TAF4B: variants seen among roughly 807,000 people sequenced by gnomAD.
The protein encoded by TAF4B is TATA-box binding protein associated factor 4b, also known as transcription initiation factor TFIID subunit 4B.
A neutral mutation model predicts 86.4 loss-of-function variants in TAF4B; 38 were observed. The observed-to-expected ratio is 0.44, with a 90% CI of 0.34 to 0.58. The LOEUF is 0.58. TAF4B is among the 20% of genes least tolerant of loss of function. TAF4B has a pLI of 0.02. For missense variants in TAF4B, 988 were observed against 1,027.6 expected, an observed-to-expected ratio of 0.96 and a Z score of 0.53; for synonymous variants, 388 against 391.2, an observed-to-expected ratio of 0.99 and a Z score of 0.10.
intron 1 of TAF4B, among the ~76,000 whole-genome samples, chr18:26,244,482 C>A (rs577281413): frequency 9.3e-4 from 142 of 152,296 alleles, no homozygotes; most frequent in African/African-American, 3.2e-3. Flanking sequence ...GTCACGGCTT[C>A]CCTTGGCTAG....
chr18:26,309,842 T>C (rs959765507), intron 9 of TAF4B, among the ~76,000 whole-genome samples: 3 of 152,168 alleles, frequency 2.0e-5, no homozygotes, highest in Non-Finnish European at 4.4e-5. Context: ...TTATTTTTTA[T>C]TTTTGAGATG....
intron 14 of TAF4B, among the ~76,000 whole-genome samples, chr18:26,372,766 C>A (rs1202601132): frequency 6.6e-6 from 1 of 151,818 alleles, no homozygotes; most frequent in Non-Finnish European, 1.5e-5. Context: ...GTCAGGAGAT[C>A]GAGACCATCC....
intron 9 of TAF4B, among the ~76,000 whole-genome samples, chr18:26,309,399 T>C (rs2056831921): frequency 6.6e-6 from 1 of 151,938 alleles, no homozygotes; most frequent in Non-Finnish European, 1.5e-5. Context: ...TGGAGATACA[T>C]GTAATTTTGG....
At chr18:26,256,932 A>G (rs528097226) in intron 1 of TAF4B, among the ~76,000 whole-genome samples, 3 of 152,004 alleles carry the variant, frequency 2.0e-5, no homozygotes, top group South Asian at 2.1e-4. Flanking sequence ...ATTACTTTCA[A>G]TGGCGAAAAC....
intron 9 of TAF4B, among the ~76,000 whole-genome samples, chr18:26,294,880 C>A (rs1055685207): frequency 6.7e-6 from 1 of 149,958 alleles, no homozygotes; most frequent in African/African-American, 2.4e-5. Context: ...ATCTTTGTAA[C>A]CTTGGGTTAC....
At chr18:26,302,371 ATT>A (rs66683595) in intron 9 of TAF4B, among the ~76,000 whole-genome samples, 159 of 93,072 alleles carry the variant, frequency 1.7e-3, no homozygotes, top group South Asian at 6.0e-3. Context: ...TTCATATTAA[ATT>A]TTTTTTTTTT....
chr18:26,238,863 G>C lies in TAF4B; in HGVS notation c.343+11587G>C, dbSNP rs149151955. 7.2e-5 allele frequency among the ~76,000 whole-genome samples: 11 copies of C among 152,294 alleles called. No individual in the cohort carries two copies. In the East Asian group the frequency reaches 2.1e-3, roughly 29 times the overall value. On this transcript the variant is annotated intron_variant, in intron 1 of 14. Transcript: ENST00000269142. ...TGTTTGGTTTTCAGTCCTTGCAGTA[G>C]ATTGCTAAGAATGATGGTTTCCAGC... is the stretch of plus-strand genomic sequence containing the variant.
intron 11 of TAF4B, among the ~76,000 whole-genome samples, chr18:26,323,751 CTTTCT>C (rs1368279453): frequency 6.6e-6 from 1 of 152,040 alleles, no homozygotes; most frequent in African/African-American, 2.4e-5. Flanking sequence ...TCTGATATTA[CTTTCT>C]TTTGTTTGTT....
In TAF4B at chr18:26,226,630, C is replaced by G; in HGVS notation, c.-304C>G. On this transcript the variant is annotated 5_prime_UTR_variant, in exon 1 of 15. Transcript: ENST00000269142. ...AGTCCAGGCTCCCCCGCAGCGGGAC[C>G]CGAGCCTGAGGCGCAGGGCTGAGGC... is the stretch of plus-strand genomic sequence containing the variant. 3.6e-6 allele frequency: 1 copy of G among 276,438 alleles called. No homozygotes were observed. Among genetic ancestry groups the G allele is most frequent in the Non-Finnish European group, 6.7e-6 (1 of 148,576 alleles). 17.1% of individuals were successfully genotyped at this position (276,438 alleles called of 1,614,324 possible).
At chr18:26,284,260 A>G (rs2056484161) in intron 6 of TAF4B, among the ~76,000 whole-genome samples, 1 of 152,216 alleles carries the variant, frequency 6.6e-6, no homozygotes, top group Non-Finnish European at 1.5e-5. Context: ...AGTTAGTGCT[A>G]TACTCTGGTT....
chr18:26,343,193 C>A (rs1186281281), intron 13 of TAF4B, among the ~76,000 whole-genome samples: 1 of 152,158 alleles, frequency 6.6e-6, no homozygotes, highest in African/African-American at 2.4e-5. Flanking sequence ...GACCTGGATG[C>A]AATCACAGAC....
At chr18:26,284,796 G>C (rs889724791) in intron 6 of TAF4B, among the ~76,000 whole-genome samples, 1 of 152,080 alleles carries the variant, frequency 6.6e-6, no homozygotes, top group African/African-American at 2.4e-5. Flanking sequence ...TTGAACTCAG[G>C]AGGCAGAGGT....
chr18:26,249,883 C>G (rs746652091), intron 1 of TAF4B, among the ~76,000 whole-genome samples: 8 of 151,980 alleles, frequency 5.3e-5, no homozygotes, highest in East Asian at 1.9e-4. Context: ...CCACCATGCC[C>G]GGCTAATTTT....
chr18:26,381,721 G>A (rs1193570873), intron 14 of TAF4B, among the ~76,000 whole-genome samples: 3 of 137,234 alleles, frequency 2.2e-5, no homozygotes, highest in South Asian at 2.3e-4. Flanking sequence ...GCGAAACTCC[G>A]CCTCTAAATA....
intron 3 of TAF4B, among the ~76,000 whole-genome samples, chr18:26,272,894 A>ATCTG: frequency 6.6e-6 from 1 of 152,138 alleles, no homozygotes; most frequent in Admixed American, 6.6e-5. Context: ...TTGAGGCTCT[A>ATCTG]TATTTAACAA....
intron 6 of TAF4B, among the ~76,000 whole-genome samples, chr18:26,285,222 G>GTTTTTTTTTTTGTTTTTTTTTTTT (rs1555677501): frequency 6.6e-5 from 3 of 45,684 alleles, no homozygotes; most frequent in Non-Finnish European, 9.0e-5. Flanking sequence ...TTTTTTTTTT[G>GTTTTTTTTTTTGTTTTTTTTTTTT]TTTTTTTTTT....
At chr18:26,312,243 C>T (rs758503925) in intron 9 of TAF4B, among the ~76,000 whole-genome samples, 4 of 152,342 alleles carry the variant, frequency 2.6e-5, no homozygotes, top group Non-Finnish European at 4.4e-5. Context: ...ACATCAAAGC[C>T]TTTGCTAGTG....
At chr18:26,305,132 G>A (rs2056781169) in intron 9 of TAF4B, among the ~76,000 whole-genome samples, 1 of 151,976 alleles carries the variant, frequency 6.6e-6, no homozygotes, top group Non-Finnish European at 1.5e-5. Context: ...TTCGTATTAT[G>A]AGCCCAGAAT....
At chr18:26,267,655 G>T in intron 3 of TAF4B, 32 bp downstream of exon 3, 1 of 1,479,362 alleles carries the variant, frequency 6.8e-7, no homozygotes, top group Non-Finnish European at 9.4e-7. Context: ...TGCACTTGTT[G>T]TTCTCTTAAC....
Sources: allele counts gnomAD v4.1 joint callset (sites outside exome capture counted in the v4.1 genomes callset), GRCh38; gene constraint gnomAD v4.1.1; transcripts MANE v1.5; gene names NCBI Gene and HGNC (gene_info 2026-07-23, HGNC 2026-07-21).